Variants in DNMT3A observed in about 807,000 individuals in gnomAD.
The protein encoded by DNMT3A is DNA (cytosine-5)-methyltransferase 3A.
Under a neutral mutation model 117.6 loss-of-function variants are expected in DNMT3A, and 267 were observed. The ratio of observed to expected loss-of-function variants is 2.27; its 90% CI spans 2.05 to 2.51. The LOEUF (loss-of-function observed/expected upper bound fraction) is 2.51. Among genes scored for constraint, DNMT3A ranks in the 30% most tolerant of loss-of-function variants. The pLI, the probability that DNMT3A is intolerant of heterozygous loss-of-function variation, is 0.00. For missense variants in DNMT3A, 1,029 were observed against 1,260.2 expected (o/e 0.82, Z 2.78); for synonymous variants, 432 against 474.8 (o/e 0.91, Z 1.17).
rs547118091 is a variant in DNMT3A, at chr2:25,286,447, C to G, written c.178-3736G>C. On this transcript the variant is annotated intron_variant, in intron 3 of 22. Transcript: ENST00000321117. This position sits in a 1 kb window ranked among gnomAD's most constrained non-coding sequence, Gnocchi z 4.3. ...TAGCTCACCCGCTGAAATCCCCACT[C>G]CCGCATCTGGTCCACACCATCCTCT... Among the ~76,000 whole-genome samples the G allele has an allele frequency of 1.4e-4, 22 of 152,374 alleles. No individual in the cohort carries two copies. Among genetic ancestry groups the G allele is most frequent in the Middle Eastern group, 3.4e-3 (1 of 294 alleles).
At chr2:25,285,174 C>T (rs1349415206) in intron 3 of DNMT3A, among the ~76,000 whole-genome samples, 1 of 152,182 alleles carries the variant, frequency 6.6e-6, no homozygotes, top group Non-Finnish European at 1.5e-5. Flanking sequence ...AAATTCCCTC[C>T]AGAGTTTCCC....
rs1184829201 is a variant in DNMT3A, at chr2:25,235,640, ACCC to A, written c.2597+64_2597+66del. ...ACAAGTCAGGTGGGAAAGGCAGAGGACCCCCGCAGCAAGCACAGCAATCAGAAC... is the reference window on the plus strand; with the variant it reads ...ACAAGTCAGGTGGGAAAGGCAGAGGACCGCAGCAAGCACAGCAATCAGAAC... On this transcript the variant is annotated intron_variant, in intron 22 of 22. Transcript: ENST00000321117. The A allele has an allele frequency of 2.4e-6, 3 of 1,259,198 alleles. No homozygotes were observed. The African/African-American group carries it at 4.5e-5, about 19-fold the overall frequency. The allele number at this position is 1,259,198 out of a possible 1,614,324, so 78.0% of individuals were successfully genotyped here.
At chr2:25,295,002 C>T (rs2033003629) in intron 3 of DNMT3A, among the ~76,000 whole-genome samples, 1 of 152,208 alleles carries the variant, frequency 6.6e-6, no homozygotes, top group Non-Finnish European at 1.5e-5. Context: ...AATAAATACG[C>T]ATCGCTAGTA....
intron 1 of DNMT3A, among the ~76,000 whole-genome samples, chr2:25,329,958 A>G (rs1057086647): frequency 6.6e-6 from 1 of 152,228 alleles, no homozygotes; most frequent in Non-Finnish European, 1.5e-5. Flanking sequence ...AACCATTCAT[A>G]ACATTGTTCT....
rs1021650345 is a variant in DNMT3A at position 25,233,310 on chromosome 2, C to T, written c.*969G>A. ...CAAGGGGAAGAGCCCACCGTGAGAA[C>T]GCGCCATCTGCAAGCTGTCTCCCTT... On this transcript the variant is annotated 3_prime_UTR_variant, in exon 23 of 23. Coordinates refer to ENST00000321117, the MANE Select transcript of DNMT3A (RefSeq NM_022552.5). 5.6e-5 allele frequency: 13 copies of T among 233,622 alleles called. No homozygotes were observed. Among genetic ancestry groups the T allele is most frequent in the Non-Finnish European group, 1.1e-4 (13 of 118,044 alleles). 14.5% of individuals were successfully genotyped at this position (233,622 alleles called of 1,614,324 possible).
At chr2:25,309,156 G>A (rs1244529897) in intron 2 of DNMT3A, among the ~76,000 whole-genome samples, 1 of 152,164 alleles carries the variant, frequency 6.6e-6, no homozygotes, top group East Asian at 1.9e-4. Context: ...TACCCACCTC[G>A]ATGTCTTCCT....
At position 25,281,469 on chromosome 2, in the gene DNMT3A, A is replaced by G; in HGVS notation, c.448+972T>C. 2 of 1,049,362 alleles carry G rather than the reference A, an allele frequency of 1.9e-6. No individual in the cohort carries two copies. The highest frequency in any genetic ancestry group is 2.3e-6 in the Non-Finnish European group (2 of 869,234). 65.0% of individuals were successfully genotyped at this position (1,049,362 alleles called of 1,614,324 possible). On this transcript the variant is annotated intron_variant, in intron 4 of 22. Coordinates refer to ENST00000321117, the MANE Select transcript of DNMT3A (RefSeq NM_022552.5). The surrounding 1 kb of genome is among the most constrained non-coding windows in gnomAD (Gnocchi z 4.8). Reference sequence around the variant, plus strand: ...CTTCTTAATAAGTTTGGAAATTTGTATTCTGGAAATGTTCTCTATCCTGCA... The same window carrying G: ...CTTCTTAATAAGTTTGGAAATTTGTGTTCTGGAAATGTTCTCTATCCTGCA...
At chr2:25,333,708 T>C (rs1008088118) in intron 1 of DNMT3A, among the ~76,000 whole-genome samples, 1 of 152,158 alleles carries the variant, frequency 6.6e-6, no homozygotes, top group Non-Finnish European at 1.5e-5. Flanking sequence ...CAGGCAGCCC[T>C]GGAACAACCC....
chr2:25,342,352 C>G (rs1466637697), upstream of DNMT3A: 1 of 151,844 alleles, frequency 6.6e-6, no homozygotes, highest in African/African-American at 2.4e-5. The surrounding 1 kb of genome is among the most constrained non-coding windows in gnomAD (Gnocchi z 5.9). Context: ...GCCGCGCTCC[C>G]GGCCACTCAG....
At chr2:25,328,370 G>A (rs995330995) in intron 1 of DNMT3A, among the ~76,000 whole-genome samples, 1 of 151,798 alleles carries the variant, frequency 6.6e-6, no homozygotes, top group African/African-American at 2.4e-5. Flanking sequence ...CTGCTGTCCC[G>A]GAATGACACC....
chr2:25,284,925 T>G (rs75576812), intron 3 of DNMT3A, among the ~76,000 whole-genome samples: 4,113 of 152,292 alleles, frequency 0.027, 73 homozygotes, highest in Non-Finnish European at 0.043. Context: ...TGCAACTTGC[T>G]TTTTCACTTA....
chr2:25,297,613 C>A (rs188261338), intron 3 of DNMT3A, among the ~76,000 whole-genome samples: 2 of 151,058 alleles, frequency 1.3e-5, no homozygotes, highest in Non-Finnish European at 2.9e-5. Context: ...CGGGTTCAAG[C>A]GATTCTCTTG....
intron 6 of DNMT3A, chr2:25,251,812 T>C: frequency 3.3e-6 from 1 of 299,462 alleles, no homozygotes; most frequent in Non-Finnish European, 6.2e-6. Flanking sequence ...GAAACGCAGG[T>C]CACCAGGGAA....
rs1675898154 is a variant in DNMT3A, at chr2:25,254,028, T to C, written c.640-5776A>G. Among the ~76,000 whole-genome samples the C allele has an allele frequency of 6.7e-6, 1 of 148,420 alleles. No individual in the cohort carries two copies. The highest frequency in any genetic ancestry group is 1.5e-5 in the Non-Finnish European group (1 of 67,678). On this transcript the variant is annotated intron_variant, in intron 6 of 22. Transcript: ENST00000321117. This position sits in a 1 kb window ranked among gnomAD's most constrained non-coding sequence, Gnocchi z 4.7. ...CGGATGTTGCAGTGAGCCGAGATCA[T>C]GCCACTGCACTCCAGCCTGGGCAAC...
chr2:25,258,983 A>G (rs1676386127), intron 6 of DNMT3A, among the ~76,000 whole-genome samples: 1 of 152,138 alleles, frequency 6.6e-6, no homozygotes, highest in South Asian at 2.1e-4. Flanking sequence ...GGAAAGCCCA[A>G]CTTCCCTCTT....
rs1394503430 is a variant in DNMT3A, at chr2:25,286,138, A to G, written c.178-3427T>C. Among the ~76,000 whole-genome samples, 1 of 152,156 alleles carries G rather than the reference A, an allele frequency of 6.6e-6. No homozygotes were observed. On this transcript the variant is annotated intron_variant, in intron 3 of 22. Transcript: ENST00000321117. This position sits in a 1 kb window ranked among gnomAD's most constrained non-coding sequence, Gnocchi z 4.3. ...TCACTCACTTCCTGCCTGGGACCAC[A>G]TGGCCTCCTCTCATGCTGGGACTCA...
intron 1 of DNMT3A, chr2:25,328,695 G>C: frequency 1.9e-6 from 1 of 519,744 alleles, no homozygotes; most frequent in Non-Finnish European, 3.9e-6. Flanking sequence ...ACAGTGCTGC[G>C]GTGCCTAGAG....
intron 2 of DNMT3A, among the ~76,000 whole-genome samples, chr2:25,309,327 G>C (rs1003324676): frequency 7.9e-5 from 12 of 152,256 alleles, no homozygotes; most frequent in Admixed American, 5.9e-4. Flanking sequence ...GAGAGGCAGG[G>C]AAGGAAGGAG....
rs1369314826 is a variant in DNMT3A, at chr2:25,236,168, C to T, written c.2479-343G>A. On this transcript the variant is annotated intron_variant, in intron 21 of 22. Coordinates refer to ENST00000321117, the MANE Select transcript of DNMT3A (RefSeq NM_022552.5). The surrounding 1 kb of genome is among the most constrained non-coding windows in gnomAD (Gnocchi z 4.5). The stretch of plus-strand genomic sequence containing the variant: ...GTAACCTCCACCTCCCGGGTTCAAG[C>T]GATTCTAATGCCTCAGACTCCTGAG... Among the ~76,000 whole-genome samples the T allele has an allele frequency of 6.6e-6, 1 of 151,946 alleles. No homozygotes were observed.
Sources: gnomAD v4.1 joint callset for allele counts (sites outside exome capture counted in the v4.1 genomes callset) on GRCh38, gnomAD v4.1.1 for gene constraint, Gnocchi (gnomAD v3.1) non-coding constraint, MANE v1.5 for transcripts, NCBI Gene and HGNC (gene_info 2026-07-23, HGNC 2026-07-21) for gene names.